The following HDAC9 variants were observed in gnomAD, a reference collection of about 807,000 sequenced individuals.
HDAC9 encodes the protein histone deacetylase 9.
Under a neutral mutation model 139.4 loss-of-function variants are expected in HDAC9, and 41 were observed. The observed-to-expected ratio is 0.29, with a 90% CI of 0.23 to 0.38. HDAC9 has a LOEUF of 0.38. Among genes scored for constraint, HDAC9 ranks in the 10% least tolerant of loss-of-function variants. The pLI, the probability that HDAC9 is intolerant of heterozygous loss-of-function variation, is 1.00. For missense variants in HDAC9, 1,147 were observed against 1,297.0 expected, an observed-to-expected ratio of 0.88 and a Z score of 1.78; for synonymous variants, 517 against 476.2, an observed-to-expected ratio of 1.09 and a Z score of -1.12.
intron 2 of HDAC9, among the ~76,000 whole-genome samples, chr7:18,172,098 GTTAATTA>G (rs1788498679): frequency 6.6e-6 from 1 of 152,106 alleles, no homozygotes; most frequent in African/African-American, 2.4e-5. Flanking sequence ...TTGGTAGGCT[GTTAATTA>G]TTGCTTCAAT....
chr7:18,759,686 C>G (rs926932011), intron 14 of HDAC9, among the ~76,000 whole-genome samples: 8 of 152,316 alleles, frequency 5.3e-5, no homozygotes, highest in Admixed American at 5.2e-4. Flanking sequence ...AAACTGGTCT[C>G]TGGTGCCAAA....
chr7:18,377,036 T>C lies in HDAC9; in HGVS notation c.-42+86521T>C, dbSNP rs369436260. 1.1e-4 allele frequency among the ~76,000 whole-genome samples: 17 copies of C among 152,164 alleles called. 1 individual carries two copies. The highest frequency in any genetic ancestry group is 5.9e-4 in the East Asian group (3 of 5,122). On this transcript the variant is annotated intron_variant, in intron 1 of 3. Transcript: ENST00000413509. Reference sequence around the variant, plus strand: ...AAGTAGTCCTTGGCTAGAGATACAGTGTTGACAGTGCTGATATAGCACCAG... The same window carrying C: ...AAGTAGTCCTTGGCTAGAGATACAGCGTTGACAGTGCTGATATAGCACCAG...
At chr7:18,227,216 G>A (rs1793115303) in intron 2 of HDAC9, among the ~76,000 whole-genome samples, 1 of 152,150 alleles carries the variant, frequency 6.6e-6, no homozygotes, top group Non-Finnish European at 1.5e-5. Flanking sequence ...CTCCCATTTT[G>A]ATAGAGACTT....
At chr7:18,367,542 T>C (rs1324200934) in intron 1 of HDAC9, among the ~76,000 whole-genome samples, 1 of 152,164 alleles carries the variant, frequency 6.6e-6, no homozygotes, top group Non-Finnish European at 1.5e-5. Flanking sequence ...TTAACTGCAC[T>C]TTAATATTTC....
intron 24 of HDAC9, among the ~76,000 whole-genome samples, chr7:18,954,861 CTT>C (rs1783040430): frequency 6.6e-6 from 1 of 152,046 alleles, no homozygotes. Context: ...TTGCTACTGT[CTT>C]GTAGAAGCAT....
intron 2 of HDAC9, among the ~76,000 whole-genome samples, chr7:18,523,040 G>C (rs1452677517): frequency 6.6e-6 from 1 of 152,156 alleles, no homozygotes; most frequent in African/African-American, 2.4e-5. Flanking sequence ...TATTGAGAAG[G>C]CCTGGGAAGC....
intron 12 of HDAC9, among the ~76,000 whole-genome samples, chr7:18,708,701 A>C (rs1381997966): frequency 6.6e-6 from 1 of 152,104 alleles, no homozygotes; most frequent in Non-Finnish European, 1.5e-5. Context: ...CTGTGAATGG[A>C]ATATTGGACG....
chr7:18,214,895 A>T (rs1792189557), intron 2 of HDAC9, among the ~76,000 whole-genome samples: 1 of 152,058 alleles, frequency 6.6e-6, no homozygotes, highest in Non-Finnish European at 1.5e-5. Flanking sequence ...AAAAGATCTT[A>T]TTACTTTTGA....
rs376824226 is a variant in HDAC9, at chr7:18,950,448, A to G, written c.2938-3698A>G. ...ATATCCTGATTACAGCAGGAAACCA[A>G]GAGGAAGAACCCATTTTATTTTGTC... On this transcript the variant is annotated intron_variant, in intron 23 of 25. Transcript: ENST00000686413. Among the ~76,000 whole-genome samples the G allele has an allele frequency of 1.2e-4, 18 of 152,230 alleles. No homozygotes were observed. In the South Asian group the frequency reaches 1.4e-3, roughly 12 times the overall value.
At chr7:18,167,203 T>C (rs919340361) in intron 2 of HDAC9, among the ~76,000 whole-genome samples, 2 of 152,314 alleles carry the variant, frequency 1.3e-5, no homozygotes. Context: ...ATTTTTTTTT[T>C]TTTTTACTAC....
intron 1 of HDAC9, among the ~76,000 whole-genome samples, chr7:18,110,022 G>T (rs1379403448): frequency 6.6e-6 from 1 of 152,108 alleles, no homozygotes; most frequent in Non-Finnish European, 1.5e-5. Flanking sequence ...GGCCTCACTT[G>T]AGATAATTTA....
chr7:18,572,173 A>G (rs1311305828), intron 2 of HDAC9, among the ~76,000 whole-genome samples: 1 of 151,826 alleles, frequency 6.6e-6, no homozygotes, highest in Non-Finnish European at 1.5e-5. Flanking sequence ...AAGCTACATA[A>G]TATACTAGGT....
intron 12 of HDAC9, among the ~76,000 whole-genome samples, chr7:18,720,370 C>G (rs73683148): frequency 0.055 from 8,324 of 151,066 alleles, 788 homozygotes; most frequent in African/African-American, 0.19. Flanking sequence ...TGGATTTATT[C>G]TTTTGTTTCA....
At chr7:18,109,532 T>C (rs746711325) in intron 1 of HDAC9, among the ~76,000 whole-genome samples, 6 of 152,054 alleles carry the variant, frequency 3.9e-5, no homozygotes, top group Admixed American at 1.3e-4. Flanking sequence ...CTGTGTACCA[T>C]ACATAGATGG....
At chr7:18,968,173 A>G (rs1002951232) in intron 24 of HDAC9, among the ~76,000 whole-genome samples, 3 of 152,180 alleles carry the variant, frequency 2.0e-5, no homozygotes, top group African/African-American at 7.2e-5. Context: ...AAAAAGAAAG[A>G]AAGAAAAAAG....
At chr7:18,416,261 A>C (rs1789050663) in intron 1 of HDAC9, among the ~76,000 whole-genome samples, 1 of 151,914 alleles carries the variant, frequency 6.6e-6, no homozygotes, top group African/African-American at 2.4e-5. Context: ...GTGCCATTAT[A>C]CTCCAGCCTG....
chr7:18,801,609 T>C (rs1322846998), intron 17 of HDAC9, among the ~76,000 whole-genome samples: 2 of 152,196 alleles, frequency 1.3e-5, no homozygotes, highest in African/African-American at 4.8e-5. Context: ...TATGAGACTG[T>C]CTCTATATTT....
rs111731420 is a variant in HDAC9, at chr7:18,958,719, T to C, written c.3022+4489T>C. Among the ~76,000 whole-genome samples the C allele has an allele frequency of 8.0e-3, 1,220 of 152,250 alleles. 21 individuals are homozygous for C. The highest frequency in any genetic ancestry group is 0.028 in the African/African-American group (1,164 of 41,552). On this transcript the variant is annotated intron_variant, in intron 24 of 25. Transcript: ENST00000686413. Reference sequence around the variant, plus strand: ...GCTAGTCTGTCAATGTTTGCCACATTTTTCTTCTAAGCCTGCGTTGATTTT... The same window carrying C: ...GCTAGTCTGTCAATGTTTGCCACATCTTTCTTCTAAGCCTGCGTTGATTTT...
intron 12 of HDAC9, among the ~76,000 whole-genome samples, chr7:18,697,207 A>G (rs1345218782): frequency 6.6e-6 from 1 of 152,116 alleles, no homozygotes; most frequent in Non-Finnish European, 1.5e-5. Flanking sequence ...CTAGGATCAC[A>G]TCCTGGCAGA....
Sources: gnomAD v4.1 joint callset for allele counts (sites outside exome capture counted in the v4.1 genomes callset) on GRCh38, gnomAD v4.1.1 for gene constraint, MANE v1.5 for transcripts, NCBI Gene and HGNC (gene_info 2026-07-23, HGNC 2026-07-21) for gene names.